Variants in IQCH observed in about 807,000 individuals in gnomAD.
IQCH encodes the protein IQ domain-containing protein H.
IQCH carries 98 observed loss-of-function variants against 117.0 expected under a neutral mutation model. The observed-to-expected ratio is 0.84, with a 90% CI of 0.71 to 0.99. The LOEUF is 0.99. IQCH is among the 50% of genes least tolerant of loss of function. The pLI, the probability that IQCH is intolerant of heterozygous loss-of-function variation, is 0.00. For missense variants in IQCH, 1,102 were observed against 1,243.8 expected, an observed-to-expected ratio of 0.89 and a Z score of 1.72; for synonymous variants, 412 against 448.2, an observed-to-expected ratio of 0.92 and a Z score of 1.02.
intron 14 of IQCH, among the ~76,000 whole-genome samples, chr15:67,415,364 T>C (rs1339441143): frequency 6.6e-6 from 1 of 152,180 alleles, no homozygotes; most frequent in Non-Finnish European, 1.5e-5. Flanking sequence ...CCTCCCACTG[T>C]GCAGGGAGTC....
intron 19 of IQCH, among the ~76,000 whole-genome samples, chr15:67,492,189 C>T (rs1165707075): frequency 2.6e-5 from 4 of 152,076 alleles, no homozygotes; most frequent in East Asian, 1.9e-4. Flanking sequence ...ACTTATGAAT[C>T]GAGTTAAGCA....
intron 3 of IQCH, among the ~76,000 whole-genome samples, chr15:67,278,188 T>A (rs1027713642): frequency 1.3e-5 from 2 of 152,214 alleles, no homozygotes; most frequent in Non-Finnish European, 2.9e-5. Flanking sequence ...CTTACCTTCA[T>A]TACAGAGAAC....
rs761975685 is a variant in IQCH at position 67,426,992 on chromosome 15, AAAG to A, written c.2505+5424_2505+5426del. ...CAGAGACCCAGTATCCAAAAAAAAA[AAAG>A]AAGAAGAAAATCCCAGAAACAGGAG... On this transcript the variant is annotated intron_variant, in intron 16 of 20. Transcript: ENST00000335894. The surrounding 1 kb of genome is among the most constrained non-coding windows in gnomAD (Gnocchi z 5.1). Among the ~76,000 whole-genome samples, 22 of 152,186 alleles carry A rather than the reference AAAG, an allele frequency of 1.4e-4. No homozygotes were observed. Among genetic ancestry groups the A allele is most frequent in the African/African-American group, 1.7e-4 (7 of 41,500 alleles).
Position 67,500,759 on chromosome 15 carries a change from G to C in IQCH, c.*13G>C. On this transcript the variant is annotated 3_prime_UTR_variant, in exon 21 of 21. Transcript: ENST00000335894. This position sits in a 1 kb window ranked among gnomAD's most constrained non-coding sequence, Gnocchi z 4.4. The stretch of plus-strand genomic sequence containing the variant: ...ACCCAAGAAATGATCCTGGAATACA[G>C]TACATAACAATTTGGATCCCAGTCT... 1 of 1,354,774 alleles carries C rather than the reference G, an allele frequency of 7.4e-7. No homozygotes were observed. 83.9% of individuals were successfully genotyped at this position (1,354,774 alleles called of 1,614,324 possible).
Position 67,416,185 on chromosome 15 carries a change from T to G in IQCH, c.2098-746T>G, listed in dbSNP as rs1389919349. Among the ~76,000 whole-genome samples, 2 of 150,854 alleles carry G rather than the reference T, an allele frequency of 1.3e-5. No homozygotes were observed. Among genetic ancestry groups the G allele is most frequent in the African/African-American group, 4.9e-5 (2 of 41,004 alleles). On this transcript the variant is annotated intron_variant, in intron 14 of 20. Coordinates refer to ENST00000335894, the MANE Select transcript of IQCH (RefSeq NM_001031715.3). This position sits in a 1 kb window ranked among gnomAD's most constrained non-coding sequence, Gnocchi z 5.1. ...ATCACCTGAGGTCAGGAGTTCGAGA[T>G]CAGTATGACCAACATGGTGAAACCC...
chr15:67,428,154 T>G (rs2081935306), intron 16 of IQCH, among the ~76,000 whole-genome samples: 1 of 152,144 alleles, frequency 6.6e-6, no homozygotes, highest in Non-Finnish European at 1.5e-5. Flanking sequence ...TTAGAGCAAA[T>G]TATGATAGTT....
chr15:67,455,775 C>T lies in IQCH; in HGVS notation c.2506-9352C>T, dbSNP rs559996737. Among the ~76,000 whole-genome samples the T allele has an allele frequency of 2.2e-4, 34 of 152,296 alleles. 1 individual carries two copies. The South Asian group carries it at 6.8e-3, about 31-fold the overall frequency. On this transcript the variant is annotated intron_variant, in intron 16 of 20. Transcript: ENST00000335894. Reference sequence around the variant, plus strand: ...CTCAACTAAGAGAATCCTTCACCAGCCCTGCCATTTATAGCATGGAAATTA... The same window carrying T: ...CTCAACTAAGAGAATCCTTCACCAGTCCTGCCATTTATAGCATGGAAATTA...
intron 3 of IQCH, among the ~76,000 whole-genome samples, chr15:67,272,995 A>G (rs563194219): frequency 6.1e-5 from 9 of 147,706 alleles, no homozygotes; most frequent in Non-Finnish European, 8.8e-5. Context: ...TTCCTTTCTT[A>G]CTGTCTTTCA....
At chr15:67,333,373 T>C (rs184146334) in intron 4 of IQCH, among the ~76,000 whole-genome samples, 40 of 152,362 alleles carry the variant, frequency 2.6e-4, no homozygotes, top group African/African-American at 9.1e-4. Context: ...GAGGAATCAT[T>C]TTTAATTCAG....
intron 3 of IQCH, among the ~76,000 whole-genome samples, chr15:67,274,791 T>G (rs1021986337): frequency 6.6e-5 from 10 of 152,220 alleles, no homozygotes; most frequent in Admixed American, 5.9e-4. Flanking sequence ...TTTTGGTTTT[T>G]AATGGATATG....
chr15:67,495,281 T>A (rs895850877), intron 20 of IQCH, among the ~76,000 whole-genome samples: 5 of 152,210 alleles, frequency 3.3e-5, no homozygotes, highest in African/African-American at 9.6e-5. Flanking sequence ...ACAACATGAT[T>A]GAGAAGATTC....
chr15:67,269,361 G>A (rs1209856880), intron 3 of IQCH, among the ~76,000 whole-genome samples: 1 of 152,090 alleles, frequency 6.6e-6, no homozygotes, highest in African/African-American at 2.4e-5. Context: ...TTATTTCATT[G>A]ATACATAATA....
intron 4 of IQCH, among the ~76,000 whole-genome samples, chr15:67,322,563 G>A (rs1018372131): frequency 2.6e-5 from 4 of 152,042 alleles, no homozygotes; most frequent in South Asian, 2.1e-4. Flanking sequence ...CACAACTGGC[G>A]ACATACACCC....
At chr15:67,495,604 C>T (rs977382569) in intron 20 of IQCH, among the ~76,000 whole-genome samples, 4 of 152,296 alleles carry the variant, frequency 2.6e-5, no homozygotes, top group Admixed American at 6.5e-5. Flanking sequence ...TCAGCCTGTC[C>T]AAATATAGCT....
chr15:67,331,479 A>G (rs1224387547), intron 4 of IQCH, among the ~76,000 whole-genome samples: 5 of 152,132 alleles, frequency 3.3e-5, no homozygotes, highest in African/African-American at 9.7e-5. Context: ...AACATAACAA[A>G]CACTGCTGAA....
intron 5 of IQCH, among the ~76,000 whole-genome samples, chr15:67,341,910 A>G (rs550330321): frequency 6.6e-6 from 1 of 152,338 alleles, no homozygotes; most frequent in Admixed American, 6.5e-5. Flanking sequence ...TGACATTCTT[A>G]TCAGATTTCT....
intron 4 of IQCH, among the ~76,000 whole-genome samples, chr15:67,330,067 C>T (rs1422264534): frequency 6.6e-6 from 1 of 151,852 alleles, no homozygotes; most frequent in Non-Finnish European, 1.5e-5. Flanking sequence ...TTGTGATCTC[C>T]GGTGGCTACT....
chr15:67,341,014 C>T (rs1178601987), intron 5 of IQCH, among the ~76,000 whole-genome samples: 1 of 152,066 alleles, frequency 6.6e-6, no homozygotes, highest in Non-Finnish European at 1.5e-5. Flanking sequence ...GAGTTTGAGA[C>T]CAGCCTGGGC....
At chr15:67,272,626 C>A (rs1047105888) in intron 3 of IQCH, among the ~76,000 whole-genome samples, 8 of 152,312 alleles carry the variant, frequency 5.3e-5, no homozygotes, top group African/African-American at 1.9e-4. Flanking sequence ...CGTGCATAGA[C>A]ACTTACACTT....
Sources: allele counts gnomAD v4.1 joint callset (sites outside exome capture counted in the v4.1 genomes callset), GRCh38; gene constraint gnomAD v4.1.1; non-coding constraint Gnocchi (gnomAD v3.1); transcripts MANE v1.5; gene names NCBI Gene and HGNC (gene_info 2026-07-23, HGNC 2026-07-21).